The following UST variants were observed in gnomAD, a reference collection of about 807,000 sequenced individuals.
The protein encoded by UST is uronyl 2-sulfotransferase.
UST carries 21 observed loss-of-function variants against 45.6 expected under a neutral mutation model. The ratio of observed to expected loss-of-function variants is 0.46; its 90% CI spans 0.33 to 0.66. UST has a LOEUF of 0.66. Ranked by LOEUF, UST falls within the 30% of genes least tolerant of loss-of-function variation. The probability of loss-of-function intolerance (pLI) is 0.02; values close to 1 mark genes in which losing one functional copy is unlikely to be tolerated. For missense variants in UST, 463 were observed against 512.4 expected (o/e 0.90, Z 0.93); for synonymous variants, 215 against 200.6 (o/e 1.07, Z -0.61).
rs992033707 is a variant in UST, at chr6:148,790,584, G to T, written c.247+42907G>T. 6.6e-6 allele frequency among the ~76,000 whole-genome samples: 1 copy of T among 152,176 alleles called. No individual in the cohort carries two copies. The highest frequency in any genetic ancestry group is 6.5e-5 in the Admixed American group (1 of 15,280). ...GTAGCGGATGCTGTGATGTGCCACC[G>T]TTCAGAGAGGCACTCAGGCTGCCAG... is the stretch of plus-strand genomic sequence containing the variant. On this transcript the variant is annotated intron_variant, in intron 1 of 7. Transcript: ENST00000367463. This position sits in a 1 kb window ranked among gnomAD's most constrained non-coding sequence, Gnocchi z 4.2.
At chr6:148,802,596 C>G (rs1195165995) in intron 1 of UST, among the ~76,000 whole-genome samples, 2 of 152,098 alleles carry the variant, frequency 1.3e-5, no homozygotes, top group Non-Finnish European at 2.9e-5. Context: ...CTGTTTCCCT[C>G]TATATGGAGA....
At chr6:148,951,253 C>T (rs976497596) in intron 3 of UST, among the ~76,000 whole-genome samples, 2 of 152,048 alleles carry the variant, frequency 1.3e-5, no homozygotes, top group Non-Finnish European at 2.9e-5. Flanking sequence ...GGGAATATGC[C>T]GAGCACCAGT....
At chr6:148,761,011 T>C (rs1423025156) in intron 1 of UST, among the ~76,000 whole-genome samples, 1 of 152,218 alleles carries the variant, frequency 6.6e-6, no homozygotes, top group African/African-American at 2.4e-5. Flanking sequence ...TGAGCCTGCT[T>C]TGTGCAGTGG....
chr6:148,909,365 C>T (rs543161401), intron 2 of UST, among the ~76,000 whole-genome samples: 9 of 152,240 alleles, frequency 5.9e-5, no homozygotes, highest in South Asian at 2.1e-4. Flanking sequence ...GAGAGATGCC[C>T]GTGCGCTTCC....
At chr6:149,043,721 G>A (rs565049800) in intron 7 of UST, among the ~76,000 whole-genome samples, 5 of 152,374 alleles carry the variant, frequency 3.3e-5, no homozygotes, top group East Asian at 1.9e-4. Context: ...CCAGGATGTG[G>A]CGCTGGCACT....
chr6:148,855,143 A>G (rs574972750), intron 1 of UST, among the ~76,000 whole-genome samples: 1 of 152,190 alleles, frequency 6.6e-6, no homozygotes, highest in South Asian at 2.1e-4. Flanking sequence ...CCCATGATTC[A>G]TTTACCTCCC....
At chr6:149,005,423 G>T (rs530913837) in intron 5 of UST, 1 of 985,454 alleles carries the variant, frequency 1.0e-6, no homozygotes, top group African/African-American at 1.7e-5. Context: ...GGAGCCTTCT[G>T]AGAAGAAAAA....
chr6:149,000,761 T>G (rs926301090), intron 5 of UST, among the ~76,000 whole-genome samples: 8 of 152,036 alleles, frequency 5.3e-5, no homozygotes, highest in African/African-American at 1.4e-4. Context: ...AACAAGGACA[T>G]GAGGATATCT....
intron 1 of UST, among the ~76,000 whole-genome samples, chr6:148,778,395 T>C (rs1362559734): frequency 6.6e-6 from 1 of 152,204 alleles, no homozygotes; most frequent in African/African-American, 2.4e-5. Flanking sequence ...TCAAGTGATT[T>C]GACTAAAGGA....
intron 1 of UST, among the ~76,000 whole-genome samples, chr6:148,788,661 G>A (rs1776780830): frequency 6.6e-6 from 1 of 151,960 alleles, no homozygotes; most frequent in Non-Finnish European, 1.5e-5. Context: ...TGTCTTAAGA[G>A]CTCTTAAAAA....
intron 5 of UST, among the ~76,000 whole-genome samples, chr6:148,995,520 T>C (rs1026933704): frequency 9.2e-5 from 14 of 152,372 alleles, no homozygotes; most frequent in Non-Finnish European, 1.6e-4. Context: ...GTTCCTTATC[T>C]ACTAGCATTA....
intron 2 of UST, among the ~76,000 whole-genome samples, chr6:148,927,738 C>T (rs114890771): frequency 3.3e-4 from 51 of 152,256 alleles, no homozygotes; most frequent in East Asian, 2.5e-3. Flanking sequence ...TGTGAGATGT[C>T]CTATCATATG....
rs540920151 is a variant in UST, at chr6:148,861,726, T to C, written c.248-25260T>C. ...TTGCTCTCATTGGTTTCAGGGAGCA[T>C]CTTTATTTCTGCCTTCATTTCATTA... On this transcript the variant is annotated intron_variant, in intron 1 of 7. Transcript: ENST00000367463. Among the ~76,000 whole-genome samples, 104 of 152,354 alleles carry C rather than the reference T, an allele frequency of 6.8e-4. 1 individual carries two copies. In the South Asian group the frequency reaches 0.021, roughly 31 times the overall value.
chr6:148,991,572 C>T (rs1350473195), intron 5 of UST, among the ~76,000 whole-genome samples: 1 of 138,350 alleles, frequency 7.2e-6, no homozygotes, highest in Non-Finnish European at 1.5e-5. Context: ...CAAGTGTTCT[C>T]ATTGTTCAAT....
At chr6:148,985,755 G>A (rs952870525) in intron 5 of UST, among the ~76,000 whole-genome samples, 2 of 152,156 alleles carry the variant, frequency 1.3e-5, no homozygotes, top group Non-Finnish European at 2.9e-5. Flanking sequence ...CAAAGGAAGA[G>A]GTAGGTCCTC....
chr6:148,911,221 A>T (rs748986306), intron 2 of UST, among the ~76,000 whole-genome samples: 6 of 152,128 alleles, frequency 3.9e-5, no homozygotes, highest in Non-Finnish European at 7.4e-5. Flanking sequence ...CTCAGTCATC[A>T]CCACTCTGAA....
chr6:148,909,936 A>T (rs1454019090), intron 2 of UST, among the ~76,000 whole-genome samples: 1 of 152,222 alleles, frequency 6.6e-6, no homozygotes, highest in African/African-American at 2.4e-5. Context: ...AAATATAGAA[A>T]GAACTAGCAA....
intron 2 of UST, among the ~76,000 whole-genome samples, chr6:148,893,485 C>T (rs1471863895): frequency 6.6e-6 from 1 of 152,192 alleles, no homozygotes; most frequent in Non-Finnish European, 1.5e-5. Flanking sequence ...AATCTAACAG[C>T]TTATAATCTG....
At chr6:148,911,366 A>C (rs550208246) in intron 2 of UST, among the ~76,000 whole-genome samples, 54 of 152,258 alleles carry the variant, frequency 3.5e-4, no homozygotes, top group African/African-American at 1.3e-3. Flanking sequence ...GTTCTTCCCT[A>C]GATCACTTGG....
Sources: allele counts gnomAD v4.1 joint callset (sites outside exome capture counted in the v4.1 genomes callset), GRCh38; gene constraint gnomAD v4.1.1; non-coding constraint Gnocchi (gnomAD v3.1); transcripts MANE v1.5; gene names NCBI Gene and HGNC (gene_info 2026-07-23, HGNC 2026-07-21).